Variants in NPHP4 observed in about 807,000 individuals in gnomAD.
NPHP4 encodes nephrocystin 4, also known as nephrocystin-4.
Under a neutral mutation model 155.8 loss-of-function variants are expected in NPHP4, and 151 were observed. The observed-to-expected ratio is 0.97, with a 90% CI of 0.85 to 1.11. NPHP4 has a LOEUF of 1.11. Ranked by LOEUF, NPHP4 falls within the 50% of genes least tolerant of loss-of-function variation. The pLI, the probability that NPHP4 is intolerant of heterozygous loss-of-function variation, is 0.00. For missense variants in NPHP4, 1,956 were observed against 1,925.7 expected (o/e 1.02, Z -0.29); for synonymous variants, 845 against 816.8 (o/e 1.03, Z -0.59).
At chr1:5,935,028 CGG>C (rs958126763) in intron 9 of NPHP4, among the ~76,000 whole-genome samples, 2 of 152,152 alleles carry the variant, frequency 1.3e-5, no homozygotes, top group African/African-American at 4.8e-5. Flanking sequence ...CTCTAAAATC[CGG>C]ACACAGATGG....
intron 29 of NPHP4, chr1:5,863,632 G>A (rs1013880011): frequency 3.9e-5 from 24 of 622,232 alleles, no homozygotes; most frequent in Middle Eastern, 4.3e-4. Flanking sequence ...ACTTATTTCC[G>A]AGACTGAGCT....
At chr1:5,864,983 C>T in intron 27 of NPHP4, 119 bp downstream of exon 27, 1 of 988,448 alleles carries the variant, frequency 1.0e-6, no homozygotes, top group Non-Finnish European at 1.6e-6. Context: ...CGTCTGCGCG[C>T]TGGAGGCGCT....
intron 6 of NPHP4, among the ~76,000 whole-genome samples, chr1:5,959,139 T>G (rs576657367): frequency 6.6e-6 from 1 of 152,042 alleles, no homozygotes; most frequent in South Asian, 2.1e-4. Flanking sequence ...TCCCCCTCCC[T>G]CCCTCCGGAC....
chr1:5,872,805 G>A (rs1237425839), intron 23 of NPHP4, among the ~76,000 whole-genome samples: 1 of 152,258 alleles, frequency 6.6e-6, no homozygotes, highest in Non-Finnish European at 1.5e-5. Context: ...TCCTGAGAAT[G>A]TCTCAGCCAG....
chr1:5,867,389 C>A lies in NPHP4; in HGVS notation c.3473-274G>T. The A allele has an allele frequency of 1.8e-6, 1 of 544,818 alleles. No individual in the cohort carries two copies. The highest frequency in any genetic ancestry group is 3.3e-5 in the Admixed American group (1 of 29,908). 33.7% of individuals were successfully genotyped at this position (544,818 alleles called of 1,614,324 possible). A position where few individuals can be genotyped will look rare whatever the true frequency, so the allele number is the denominator to read the frequency against. ...GCCACAAAAAAGAAAACACAGCTCC[C>A]TGGAGCAGGGAAGCCTGCACTCTGC... On this transcript the variant is annotated intron_variant, in intron 24 of 29. Coordinates refer to ENST00000378156, the MANE Select transcript of NPHP4 (RefSeq NM_015102.5). This position sits in a 1 kb window ranked among gnomAD's most constrained non-coding sequence, Gnocchi z 4.1.
intron 26 of NPHP4, 56 bp from the exon 27 acceptor site, chr1:5,865,329 C>T (rs968282219): frequency 1.3e-5 from 18 of 1,430,248 alleles, no homozygotes; most frequent in East Asian, 7.5e-5. Flanking sequence ...CACCGGCCCA[C>T]GAGAGGCCAA....
rs1359212428 is a variant in NPHP4 at position 5,967,338 on chromosome 1, T to C, written c.478A>G (p.Arg160Gly). The change falls in exon 5 of 30, where the codon AGA (arginine) becomes GGA (glycine). Residue 160 changes from arginine (R) to glycine (G), a missense_variant. Physicochemically the swap from Arg to Gly is moderately radical, Grantham distance 125. Transcript: ENST00000378156. The part of the protein sequence containing the change: ...KRLRLYHGTP[R>G]ALLHPLLQDP... ...TGGAGAAGCGGGTGCAGGAGGGCTC[T>C]GGGGGTGCCATGGTACAGCCGCAAC... 3 of 1,607,828 alleles carry C rather than the reference T, an allele frequency of 1.9e-6. No homozygotes were observed. The highest frequency in any genetic ancestry group is 1.3e-5 in the African/African-American group (1 of 74,874).
intron 6 of NPHP4, among the ~76,000 whole-genome samples, chr1:5,957,985 G>C (rs60550159): frequency 0.021 from 3,180 of 152,258 alleles, 92 homozygotes; most frequent in African/African-American, 0.07. Context: ...CCAGCCCAGG[G>C]CCTGCTTCAC....
At chr1:5,935,613 G>A (rs1410495622) in intron 9 of NPHP4, among the ~76,000 whole-genome samples, 1 of 152,014 alleles carries the variant, frequency 6.6e-6, no homozygotes, top group Non-Finnish European at 1.5e-5. Context: ...GGTGGCTCAC[G>A]CCTGTAATCC....
chr1:5,961,693 C>G, intron 6 of NPHP4, 101 bp downstream of exon 6: 1 of 1,153,316 alleles, frequency 8.7e-7, no homozygotes, highest in Non-Finnish European at 1.3e-6. Flanking sequence ...GAGGGGCGCT[C>G]GGCCCACGCT....
chr1:5,988,063 G>A (rs115457914), intron 1 of NPHP4, among the ~76,000 whole-genome samples: 5 of 152,326 alleles, frequency 3.3e-5, no homozygotes, highest in Non-Finnish European at 7.3e-5. Context: ...GCATGACTCC[G>A]TGAACCAATA....
At position 5,947,371 on chromosome 1, in the gene NPHP4, A is replaced by G. The variant is rs1375640950; in HGVS notation, c.993-141T>C. 1.4e-5 allele frequency: 11 copies of G among 786,194 alleles called. No homozygotes were observed. In the Admixed American group the frequency reaches 2.6e-4, roughly 18 times the overall value. The allele number at this position is 786,194 out of a possible 1,614,324, so 48.7% of individuals were successfully genotyped here. On this transcript the variant is annotated intron_variant, in intron 8 of 29. Coordinates refer to ENST00000378156, the MANE Select transcript of NPHP4 (RefSeq NM_015102.5). ...TGCTGCAACAGCAAGTCCACCATGT[A>G]ACACTGCACGCTCTCCCAAATGATT...
chr1:5,986,827 A>T (rs1477222785), intron 1 of NPHP4, among the ~76,000 whole-genome samples: 1 of 152,080 alleles, frequency 6.6e-6, no homozygotes, highest in Non-Finnish European at 1.5e-5. Context: ...GGGGACATGA[A>T]GGGATGTTTT....
chr1:5,870,030 C>T lies in NPHP4; in HGVS notation c.3316-2134G>A, dbSNP rs552448501. Among the ~76,000 whole-genome samples the T allele has an allele frequency of 2.6e-5, 4 of 152,346 alleles. No individual in the cohort carries two copies. In the East Asian group the frequency reaches 7.7e-4, roughly 29 times the overall value. ...GTATGTATGTATCTGCACCCACAGG[C>T]ATACACCTCTTAGGTCTCTGCTGAG... On this transcript the variant is annotated intron_variant, in intron 23 of 29. Transcript: ENST00000378156.
chr1:5,936,465 C>T (rs752333563), intron 9 of NPHP4, among the ~76,000 whole-genome samples: 3 of 152,150 alleles, frequency 2.0e-5, no homozygotes, highest in Non-Finnish European at 4.4e-5. Context: ...ATGACATCCA[C>T]TACTTCATCA....
intron 11 of NPHP4, among the ~76,000 whole-genome samples, chr1:5,916,409 A>G (rs1214597779): frequency 3.3e-5 from 5 of 152,212 alleles, no homozygotes; most frequent in African/African-American, 1.2e-4. Context: ...AGTCTCTTAC[A>G]TTGGGTTTTG....
intron 3 of NPHP4, among the ~76,000 whole-genome samples, chr1:5,969,863 A>C (rs756478058): frequency 2.6e-5 from 4 of 152,336 alleles, no homozygotes; most frequent in Non-Finnish European, 4.4e-5. Context: ...TTAGGTGCTA[A>C]GTAATTATCC....
chr1:5,915,581 G>A (rs144358291), intron 11 of NPHP4, among the ~76,000 whole-genome samples: 1 of 152,294 alleles, frequency 6.6e-6, no homozygotes, highest in East Asian at 1.9e-4. Flanking sequence ...ACTCTGTGCT[G>A]CAGGAGTCCA....
chr1:5,982,592 G>A (rs1161793138), intron 2 of NPHP4, among the ~76,000 whole-genome samples: 1 of 152,080 alleles, frequency 6.6e-6, no homozygotes, highest in African/African-American at 2.4e-5. Context: ...CTTTATTTAG[G>A]TTTGTATCTA....
Sources: gnomAD v4.1 joint callset for allele counts (sites outside exome capture counted in the v4.1 genomes callset) on GRCh38, gnomAD v4.1.1 for gene constraint, Gnocchi (gnomAD v3.1) non-coding constraint, MANE v1.5 for transcripts, NCBI Gene and HGNC (gene_info 2026-07-23, HGNC 2026-07-21) for gene names.